Variants in CDH13 observed in about 807,000 individuals in gnomAD.
CDH13 encodes cadherin 13.
A neutral mutation model predicts 63.8 loss-of-function variants in CDH13; 24 were observed. That is an observed-to-expected ratio of 0.38 (90% CI 0.27 to 0.53). The LOEUF (loss-of-function observed/expected upper bound fraction) is 0.53, where lower values mean the gene tolerates loss of function less well. CDH13 is among the 20% of genes least tolerant of loss of function. The pLI is 0.85. For missense variants in CDH13, 1,049 were observed against 903.1 expected (o/e 1.16, Z -2.07); for synonymous variants, 503 against 355.3 (o/e 1.42, Z -4.67).
chr16:83,767,213 G>T (rs896579766), intron 11 of CDH13, among the ~76,000 whole-genome samples: 1 of 151,522 alleles, frequency 6.6e-6, no homozygotes, highest in Admixed American at 6.6e-5. Context: ...TTCCGATGTG[G>T]ATAGCAGCTG....
chr16:83,268,796 A>G (rs2088703322), intron 5 of CDH13, among the ~76,000 whole-genome samples: 1 of 152,200 alleles, frequency 6.6e-6, no homozygotes, highest in Non-Finnish European at 1.5e-5. Context: ...GAAGCTGGGC[A>G]CAGGTTCCTA....
At chr16:82,866,457 C>G (rs1456722418) in intron 2 of CDH13, among the ~76,000 whole-genome samples, 2 of 126,298 alleles carry the variant, frequency 1.6e-5, no homozygotes, top group Admixed American at 2.0e-4. Context: ...GGCACGATCT[C>G]AGCTCACTGC....
At chr16:82,973,520 A>G (rs1160564629) in intron 2 of CDH13, among the ~76,000 whole-genome samples, 1 of 152,160 alleles carries the variant, frequency 6.6e-6, no homozygotes, top group African/African-American at 2.4e-5. Context: ...GAAAGATACA[A>G]AGGAAAACAA....
chr16:83,096,467 T>C (rs1315010229), intron 3 of CDH13, among the ~76,000 whole-genome samples: 1 of 152,230 alleles, frequency 6.6e-6, no homozygotes, highest in Non-Finnish European at 1.5e-5. Flanking sequence ...AGCTAAAGGA[T>C]TGCTCACAAA....
chr16:83,027,622 T>C (rs185777835), intron 2 of CDH13, among the ~76,000 whole-genome samples: 15 of 152,310 alleles, frequency 9.8e-5, no homozygotes, highest in Admixed American at 7.8e-4. Flanking sequence ...TCCATAATTA[T>C]ATGAGACTCA....
At chr16:83,136,342 C>T (rs1396664059) in intron 4 of CDH13, among the ~76,000 whole-genome samples, 2 of 151,566 alleles carry the variant, frequency 1.3e-5, no homozygotes, top group Non-Finnish European at 2.9e-5. Context: ...AAAAATTAGC[C>T]GGGCGTAGTG....
At chr16:83,623,948 GTTGTTAGGAACAGAAATCCAC>G in intron 8 of CDH13, among the ~76,000 whole-genome samples, 1 of 152,168 alleles carries the variant, frequency 6.6e-6, no homozygotes, top group Non-Finnish European at 1.5e-5. Flanking sequence ...CACTCATTTC[GTTGTTAGGAACAGAAATCCAC>G]TTTCAACCAG....
chr16:83,569,298 C>T (rs1904352116), intron 7 of CDH13, among the ~76,000 whole-genome samples: 1 of 152,092 alleles, frequency 6.6e-6, no homozygotes, highest in African/African-American at 2.4e-5. Context: ...CCACACTGCA[C>T]TCCACCATGT....
chr16:82,825,298 C>G (rs2151101996), intron 1 of CDH13: 2 of 152,178 alleles, frequency 1.3e-5, no homozygotes, highest in East Asian at 1.9e-4. Context: ...CACTTCTCAG[C>G]CACCCTCCCT....
intron 1 of CDH13, among the ~76,000 whole-genome samples, chr16:82,746,152 T>A (rs757742954): frequency 6.9e-6 from 1 of 145,152 alleles, no homozygotes. Context: ...AAACATACTA[T>A]ATACTATATA....
Position 83,666,821 on chromosome 16 carries a change from A to T in CDH13, c.1102-3969A>T, listed in dbSNP as rs994788356. On this transcript the variant is annotated intron_variant, in intron 8 of 13. Transcript: ENST00000567109. ...CTGGATCAGATACCCACCTCCACACATACACACACACACATACACACACAC... is the reference window on the plus strand; with the variant it reads ...CTGGATCAGATACCCACCTCCACACTTACACACACACACATACACACACAC... 3.5e-5 allele frequency among the ~76,000 whole-genome samples: 3 copies of T among 84,950 alleles called. No individual in the cohort carries two copies. The East Asian group carries it at 2.1e-3, about 60-fold the overall frequency. 55.7% of individuals were successfully genotyped at this position (84,950 alleles called of 152,430 possible). A position where few individuals can be genotyped will look rare whatever the true frequency, so the allele number is the denominator to read the frequency against.
At chr16:82,850,564 C>T (rs1424695607) in intron 1 of CDH13, among the ~76,000 whole-genome samples, 1 of 152,146 alleles carries the variant, frequency 6.6e-6, no homozygotes, top group African/African-American at 2.4e-5. Flanking sequence ...GATAAAGCAG[C>T]AGCAGGGTTT....
chr16:83,033,280 G>A (rs1422767059), intron 3 of CDH13, among the ~76,000 whole-genome samples: 1 of 151,944 alleles, frequency 6.6e-6, no homozygotes, highest in Non-Finnish European at 1.5e-5. Context: ...ATGTATATAT[G>A]TATATGTAAT....
intron 4 of CDH13, among the ~76,000 whole-genome samples, chr16:83,193,542 C>T (rs1279898744): frequency 2.0e-5 from 3 of 152,198 alleles, no homozygotes; most frequent in Non-Finnish European, 4.4e-5. Context: ...CCTTTCTATG[C>T]AGTGGAAGCC....
At chr16:83,110,205 G>C (rs1484464819) in intron 3 of CDH13, among the ~76,000 whole-genome samples, 3 of 152,232 alleles carry the variant, frequency 2.0e-5, no homozygotes, top group African/African-American at 7.2e-5. Flanking sequence ...TGGCCCAACT[G>C]TACAGAAACT....
chr16:83,577,467 T>C (rs1212277534), intron 7 of CDH13, among the ~76,000 whole-genome samples: 1 of 152,232 alleles, frequency 6.6e-6, no homozygotes, highest in Non-Finnish European at 1.5e-5. Context: ...ACCTGCACAC[T>C]GACATTTAAA....
chr16:82,778,938 G>C (rs745731692), intron 1 of CDH13, among the ~76,000 whole-genome samples: 3 of 152,076 alleles, frequency 2.0e-5, no homozygotes, highest in African/African-American at 7.2e-5. Context: ...CTGAAGAAAG[G>C]AAATGATCAG....
At chr16:83,559,643 G>A (rs909465716) in intron 7 of CDH13, among the ~76,000 whole-genome samples, 2 of 151,882 alleles carry the variant, frequency 1.3e-5, no homozygotes, top group Admixed American at 6.6e-5. Flanking sequence ...GAGAGAGAGG[G>A]AGGGAGGGAG....
intron 5 of CDH13, among the ~76,000 whole-genome samples, chr16:83,341,148 T>G (rs2090712330): frequency 6.6e-6 from 1 of 152,230 alleles, no homozygotes; most frequent in Non-Finnish European, 1.5e-5. Context: ...TTGTTTTGTT[T>G]TTAGAACCCA....
Sources: allele counts gnomAD v4.1 joint callset (sites outside exome capture counted in the v4.1 genomes callset), GRCh38; gene constraint gnomAD v4.1.1; transcripts MANE v1.5; gene names NCBI Gene and HGNC (gene_info 2026-07-23, HGNC 2026-07-21).